Variants in SEMA3A observed in about 807,000 individuals in gnomAD.
The protein encoded by SEMA3A is semaphorin-3A.
SEMA3A carries 29 observed loss-of-function variants against 97.9 expected under a neutral mutation model. That is an observed-to-expected ratio of 0.30 (90% confidence interval 0.22 to 0.40). SEMA3A has a LOEUF of 0.40. SEMA3A is among the 10% of genes least tolerant of loss of function. The pLI is 1.00. For synonymous variants in SEMA3A, 321 were observed against 323.7 expected (o/e 0.99, Z 0.09); for missense variants, 763 against 951.3 (o/e 0.80, Z 2.60).
At chr7:84,432,435 G>C (rs1463557096) in intron 1 of SEMA3A, among the ~76,000 whole-genome samples, 1 of 151,638 alleles carries the variant, frequency 6.6e-6, no homozygotes. Flanking sequence ...TGCATGTTTG[G>C]TACATTGGTA....
chr7:84,321,732 C>T (rs979679534), intron 2 of SEMA3A, among the ~76,000 whole-genome samples: 5 of 151,596 alleles, frequency 3.3e-5, no homozygotes, highest in Admixed American at 1.3e-4. Context: ...AAAAATTAGC[C>T]GGGCGTGGTG....
chr7:84,410,739 C>T (rs1470030802), intron 1 of SEMA3A, among the ~76,000 whole-genome samples: 1 of 152,106 alleles, frequency 6.6e-6, no homozygotes, highest in Admixed American at 6.6e-5. Flanking sequence ...TATGTTTCTA[C>T]AAGCTGAATT....
At chr7:83,984,050 G>T (rs1254492245) in intron 13 of SEMA3A, among the ~76,000 whole-genome samples, 1 of 152,078 alleles carries the variant, frequency 6.6e-6, no homozygotes, top group African/African-American at 2.4e-5. Flanking sequence ...CTGATAGATT[G>T]TTTTTCTTTG....
At chr7:84,104,063 T>C (rs1795036186) in intron 4 of SEMA3A, among the ~76,000 whole-genome samples, 2 of 152,030 alleles carry the variant, frequency 1.3e-5, no homozygotes, top group South Asian at 4.2e-4. Flanking sequence ...TGATCCAAAC[T>C]AGGTATTAGT....
At chr7:84,071,942 A>G (rs10488265) in intron 4 of SEMA3A, among the ~76,000 whole-genome samples, 6 of 152,120 alleles carry the variant, frequency 3.9e-5, no homozygotes, top group South Asian at 4.1e-4. Context: ...GGAACTAATA[A>G]TTTCGCCTTC....
At chr7:84,124,000 G>T (rs1795713551) in intron 3 of SEMA3A, among the ~76,000 whole-genome samples, 1 of 152,052 alleles carries the variant, frequency 6.6e-6, no homozygotes, top group Admixed American at 6.6e-5. Context: ...TATCCCAGCT[G>T]CATGAGAGAA....
intron 1 of SEMA3A, among the ~76,000 whole-genome samples, chr7:84,417,595 T>C (rs1478573806): frequency 6.6e-6 from 1 of 152,128 alleles, no homozygotes; most frequent in Non-Finnish European, 1.5e-5. Context: ...GAAAACGTAT[T>C]TATTGCTTGA....
rs752729583 is a variant in SEMA3A, at chr7:84,008,490, C to CAAAAAAAAA, written c.996-1002_996-994dup. Among the ~76,000 whole-genome samples, 4 of 81,186 alleles carry CAAAAAAAAA rather than the reference C, an allele frequency of 4.9e-5. No individual in the cohort carries two copies. In the Admixed American group the frequency reaches 5.2e-4, roughly 11 times the overall value. 53.3% of individuals were successfully genotyped at this position (81,186 alleles called of 152,430 possible). On this transcript the variant is annotated intron_variant, in intron 9 of 16. Transcript: ENST00000265362. ...TGGGCTACAGAACAAGACTCCGTCTCAAAAAAAAAAAAAAAAAAGAAAGAA... is the reference window on the plus strand; with the variant it reads ...TGGGCTACAGAACAAGACTCCGTCTCAAAAAAAAAAAAAAAAAAAAAAAAAAAGAAAGAA...
chr7:84,170,738 A>G (rs921468166), intron 1 of SEMA3A, among the ~76,000 whole-genome samples: 1 of 152,044 alleles, frequency 6.6e-6, no homozygotes, highest in Non-Finnish European at 1.5e-5. Context: ...ATCCTCATGA[A>G]AAGCTCTTGC....
chr7:84,377,947 TCTCCAGTA>T (rs1803150985), intron 1 of SEMA3A, among the ~76,000 whole-genome samples: 1 of 152,090 alleles, frequency 6.6e-6, no homozygotes, highest in Non-Finnish European at 1.5e-5. Flanking sequence ...TATAGCCATG[TCTCCAGTA>T]ACATGTGGTG....
chr7:84,426,750 G>A (rs906630789), intron 1 of SEMA3A, among the ~76,000 whole-genome samples: 7 of 151,878 alleles, frequency 4.6e-5, no homozygotes, highest in Non-Finnish European at 7.4e-5. Context: ...ACATAAGAAC[G>A]TTATAACTTC....
At chr7:84,473,913 C>T (rs778803798) in intron 1 of SEMA3A, among the ~76,000 whole-genome samples, 1 of 152,114 alleles carries the variant, frequency 6.6e-6, no homozygotes, top group Admixed American at 6.6e-5. Flanking sequence ...ATTTTCCATA[C>T]CTTTATTGAG....
At chr7:84,309,937 T>G (rs1371849667) in intron 2 of SEMA3A, among the ~76,000 whole-genome samples, 1 of 152,154 alleles carries the variant, frequency 6.6e-6, no homozygotes, top group Admixed American at 6.6e-5. Context: ...TGCTTATAAC[T>G]ATAAACCAAA....
intron 3 of SEMA3A, among the ~76,000 whole-genome samples, chr7:84,284,728 G>C (rs1192421040): frequency 6.6e-6 from 1 of 152,122 alleles, no homozygotes; most frequent in East Asian, 1.9e-4. Flanking sequence ...GGTCATGAAG[G>C]AGGAGAATGT....
intron 3 of SEMA3A, among the ~76,000 whole-genome samples, chr7:84,293,138 C>T (rs1800790806): frequency 6.6e-6 from 1 of 151,936 alleles, no homozygotes; most frequent in Non-Finnish European, 1.5e-5. Context: ...ATGTCTATAC[C>T]TAAAGCACAT....
Position 84,176,651 on chromosome 7 carries a change from T to C in SEMA3A, c.112+17824A>G, listed in dbSNP as rs113630221. On this transcript the variant is annotated intron_variant, in intron 1 of 16. Coordinates refer to ENST00000265362, the MANE Select transcript of SEMA3A (RefSeq NM_006080.3). ...AGTGGTGTTTAAGAATGTAAACACA[T>C]TTTTTAAGCATTTAATCCAACTTTT... 2.9e-3 allele frequency among the ~76,000 whole-genome samples: 438 copies of C among 152,286 alleles called. 4 individuals carry two copies. Among genetic ancestry groups the C allele is most frequent in the Non-Finnish European group, 4.6e-3 (311 of 68,004 alleles).
chr7:84,059,434 A>C (rs1176040053), intron 5 of SEMA3A, among the ~76,000 whole-genome samples: 1 of 152,166 alleles, frequency 6.6e-6, no homozygotes, highest in Non-Finnish European at 1.5e-5. Flanking sequence ...TTCATGGTTA[A>C]TATGGCAGTC....
intron 1 of SEMA3A, among the ~76,000 whole-genome samples, chr7:84,151,644 G>A (rs1251502685): frequency 2.0e-5 from 3 of 152,114 alleles, no homozygotes; most frequent in Non-Finnish European, 2.9e-5. Flanking sequence ...GGGGAGAATG[G>A]AACCAAGTTG....
At chr7:84,269,649 C>A (rs965646198) in intron 3 of SEMA3A, among the ~76,000 whole-genome samples, 66 of 152,098 alleles carry the variant, frequency 4.3e-4, no homozygotes, top group African/African-American at 1.5e-3. Context: ...CTATGTTAGT[C>A]TAATGTTAAG....
Sources: gnomAD v4.1 joint callset for allele counts (sites outside exome capture counted in the v4.1 genomes callset) on GRCh38, gnomAD v4.1.1 for gene constraint, MANE v1.5 for transcripts, NCBI Gene and HGNC (gene_info 2026-07-23, HGNC 2026-07-21) for gene names.